Variants in JMJD1C observed in about 807,000 individuals in gnomAD.
JMJD1C encodes jumonji domain-containing protein 1C.
JMJD1C carries 31 observed loss-of-function variants against 245.3 expected under a neutral mutation model. That is an observed-to-expected ratio of 0.13 (90% CI 0.09 to 0.17). The LOEUF (loss-of-function observed/expected upper bound fraction) is 0.17, where lower values mean the gene tolerates loss of function less well. JMJD1C is among the 10% of genes least tolerant of loss of function. The pLI is 1.00. For missense variants in JMJD1C, 2,691 were observed against 3,000.2 expected, an observed-to-expected ratio of 0.90 and a Z score of 2.41; for synonymous variants, 1,057 against 1,017.4, an observed-to-expected ratio of 1.04 and a Z score of -0.74.
At chr10:63,219,089 T>A (rs185995125) in intron 4 of JMJD1C, among the ~76,000 whole-genome samples, 1 of 152,250 alleles carries the variant, frequency 6.6e-6, no homozygotes, top group East Asian at 1.9e-4. Context: ...CACTGAAATA[T>A]TCTGTTTTTG....
At chr10:63,437,579 T>C (rs1951127548) in intron 1 of JMJD1C, among the ~76,000 whole-genome samples, 1 of 152,210 alleles carries the variant, frequency 6.6e-6, no homozygotes, top group Admixed American at 6.5e-5. Context: ...AACATACAAA[T>C]ATGGTATATT....
In JMJD1C at chr10:63,491,751, C is replaced by G. The variant is rs746653866; in HGVS notation, n.113+29987G>C. ...CCATAACAGCTTATAGCTACAACCC[C>G]CCTCCAGGGAAAAAGCAGGTTTGGG... On this transcript the variant is annotated intron_variant and non_coding_transcript_variant, in intron 1 of 3. Coordinates refer to the JMJD1C transcript ENST00000633035. Among the ~76,000 whole-genome samples, 4 of 152,220 alleles carry G rather than the reference C, an allele frequency of 2.6e-5. No individual in the cohort carries two copies. In the South Asian group the frequency reaches 8.3e-4, roughly 31 times the overall value.
At chr10:63,352,932 G>A (rs954982978) in intron 2 of JMJD1C, among the ~76,000 whole-genome samples, 1 of 152,094 alleles carries the variant, frequency 6.6e-6, no homozygotes, top group African/African-American at 2.4e-5. Flanking sequence ...GTCCTAGAAT[G>A]CTATTCGGAG....
At chr10:63,196,889 T>C (rs1845520531) in intron 13 of JMJD1C, among the ~76,000 whole-genome samples, 1 of 152,110 alleles carries the variant, frequency 6.6e-6, no homozygotes. Flanking sequence ...CTCCATCTCC[T>C]GGGTTCAGGT....
chr10:63,497,779 C>T (rs762784809), intron 1 of JMJD1C, among the ~76,000 whole-genome samples: 5 of 152,124 alleles, frequency 3.3e-5, no homozygotes, highest in Non-Finnish European at 7.4e-5. Flanking sequence ...CTGGGAGTAA[C>T]GACCTCCCTA....
chr10:63,298,256 G>A (rs1859671528), intron 2 of JMJD1C, among the ~76,000 whole-genome samples: 1 of 152,202 alleles, frequency 6.6e-6, no homozygotes, highest in Admixed American at 6.5e-5. Flanking sequence ...GGCCAAGTAG[G>A]CAGAATGAGC....
intron 1 of JMJD1C, among the ~76,000 whole-genome samples, chr10:63,510,461 C>T (rs908600142): frequency 6.6e-6 from 1 of 152,118 alleles, no homozygotes; most frequent in African/African-American, 2.4e-5. Context: ...CTTCTTTGAA[C>T]TATGTATTAT....
chr10:63,243,324 C>T (rs750701752), intron 3 of JMJD1C, among the ~76,000 whole-genome samples: 5 of 151,450 alleles, frequency 3.3e-5, no homozygotes, highest in Non-Finnish European at 5.9e-5. Context: ...GTCGGGAGCT[C>T]GGGACCAGCC....
intron 2 of JMJD1C, among the ~76,000 whole-genome samples, chr10:63,283,532 A>G (rs1857640124): frequency 6.6e-6 from 1 of 151,910 alleles, no homozygotes; most frequent in African/African-American, 2.4e-5. Flanking sequence ...ACACCCAGCT[A>G]ATTTTTTTTA....
In JMJD1C at chr10:63,261,849, A is replaced by G. The variant is rs532537055; in HGVS notation, c.447+2802T>C. 2.0e-5 allele frequency among the ~76,000 whole-genome samples: 3 copies of G among 152,348 alleles called. No individual in the cohort carries two copies. The East Asian group carries it at 5.8e-4, about 29-fold the overall frequency. On this transcript the variant is annotated intron_variant, in intron 3 of 25. Transcript: ENST00000399262. Reference sequence around the variant, plus strand: ...CTGAGAAATCAAGGATAAAGGTGGCAGACTGGGAATTCCCACTGAAAACAT... The same window carrying G: ...CTGAGAAATCAAGGATAAAGGTGGCGGACTGGGAATTCCCACTGAAAACAT...
chr10:63,275,002 C>A (rs1856647863), intron 2 of JMJD1C, among the ~76,000 whole-genome samples: 1 of 151,988 alleles, frequency 6.6e-6, no homozygotes, highest in South Asian at 2.1e-4. Flanking sequence ...AGGAGACCAG[C>A]CTGGGCAACA....
At chr10:63,248,708 A>T (rs188764641) in intron 3 of JMJD1C, among the ~76,000 whole-genome samples, 20 of 152,304 alleles carry the variant, frequency 1.3e-4, no homozygotes, top group African/African-American at 4.1e-4. Context: ...ACTATGATCC[A>T]GCAGTTCCAC....
rs1846722338 is a variant in JMJD1C, at chr10:63,207,128, G to A, written c.4541C>T (p.Ala1514Val). The A allele has an allele frequency of 6.2e-7, 1 of 1,614,054 alleles. No individual in the cohort carries two copies. Among genetic ancestry groups the A allele is most frequent in the Non-Finnish European group, 8.5e-7 (1 of 1,180,028 alleles). Residue 1514 changes from alanine to valine, a missense_variant, in exon 10 of 26, where the codon GCC (alanine) becomes GTC (valine). By Grantham distance (64) the Ala-to-Val change is moderately conservative (BLOSUM62 0). This residue lies in a region of JMJD1C where 1,562 missense variants were observed against 1,490.7 expected (regional missense o/e 1.05). Coordinates refer to ENST00000399262, the MANE Select transcript of JMJD1C (RefSeq NM_032776.3). Reference sequence around the variant, plus strand: ...TACAGTGCTATCCAGAGGAAGGGAGGCTGAAAGTGTCTGATTTTTTATAGC... The same window carrying A: ...TACAGTGCTATCCAGAGGAAGGGAGACTGAAAGTGTCTGATTTTTTATAGC... ...PNAIKNQTLSASLPLDSTVIC... is the reference protein window; with the variant it reads ...PNAIKNQTLSVSLPLDSTVIC...
intron 1 of JMJD1C, among the ~76,000 whole-genome samples, chr10:63,458,221 A>C (rs1188763032): frequency 6.6e-6 from 1 of 152,186 alleles, no homozygotes; most frequent in African/African-American, 2.4e-5. Context: ...GCCATGGCTC[A>C]CACCTCTAAT....
intron 3 of JMJD1C, among the ~76,000 whole-genome samples, chr10:63,239,301 G>A (rs1164876580): frequency 6.6e-6 from 1 of 152,200 alleles, no homozygotes; most frequent in Admixed American, 6.5e-5. Flanking sequence ...GTAGTTTGGA[G>A]TGTTCTGTAA....
chr10:63,203,491 T>A (rs1846253931), intron 10 of JMJD1C: 1 of 983,996 alleles, frequency 1.0e-6, no homozygotes, highest in African/African-American at 1.7e-5. Context: ...TAAAAAATAT[T>A]TTTTTGGAGA....
At position 63,207,231 on chromosome 10, in the gene JMJD1C, T is replaced by G. The variant is rs531944687; in HGVS notation, c.4438A>C (p.Ile1480Leu). ...GCTGCCTTGTGCTTTTTTAAATGGA[T>G]AAAATCAGTTGTGCCTGAGAACCCA... ...SSGFSGTTDF[I>L]HLKKHKAALA... Residue 1480 changes from isoleucine to leucine, a missense_variant, in exon 10 of 26, where the codon ATC becomes CTC. Physicochemically the swap from Ile to Leu is conservative, Grantham distance 5 (BLOSUM62 2). Around this residue, in one of 9 missense-constraint regions of JMJD1C, gnomAD observed 1,562 missense variants for 1,490.7 expected, o/e 1.05. Transcript: ENST00000399262. 2 of 1,614,148 alleles carry G rather than the reference T, an allele frequency of 1.2e-6. No individual in the cohort carries two copies. The highest frequency in any genetic ancestry group is 2.7e-5 in the African/African-American group (2 of 75,052).
At chr10:63,263,771 A>C (rs553150434) in intron 3 of JMJD1C, among the ~76,000 whole-genome samples, 1 of 152,012 alleles carries the variant, frequency 6.6e-6, no homozygotes, top group African/African-American at 2.4e-5. Flanking sequence ...ATCTCTATTA[A>C]AAATACAAAA....
intron 2 of JMJD1C, among the ~76,000 whole-genome samples, chr10:63,357,988 G>A (rs1945007591): frequency 6.6e-6 from 1 of 151,240 alleles, no homozygotes; most frequent in Non-Finnish European, 1.5e-5. Context: ...ACATGTAGAC[G>A]TGGCAACTGT....
Sources: gnomAD v4.1 joint callset for allele counts (sites outside exome capture counted in the v4.1 genomes callset) on GRCh38, gnomAD v4.1.1 for gene constraint, gnomAD v4.1.1 regional missense constraint, MANE v1.5 for transcripts, NCBI Gene and HGNC (gene_info 2026-07-23, HGNC 2026-07-21) for gene names.